Variants in LRRTM3 observed in about 807,000 individuals in gnomAD.
LRRTM3 encodes leucine rich repeat transmembrane neuronal 3.
Under a neutral mutation model 44.7 loss-of-function variants are expected in LRRTM3, and 24 were observed. The observed-to-expected ratio is 0.54, with a 90% CI of 0.39 to 0.76. The LOEUF is 0.76. LRRTM3 is among the 30% of genes least tolerant of loss of function. The probability of loss-of-function intolerance (pLI) is 0.00; values close to 1 mark genes in which losing one functional copy is unlikely to be tolerated. For synonymous variants in LRRTM3, 277 were observed against 278.7 expected (o/e 0.99, Z 0.06); for missense variants, 587 against 702.2 (o/e 0.84, Z 1.85).
At chr10:67,089,686 C>T (rs1857510601) in intron 2 of LRRTM3, among the ~76,000 whole-genome samples, 1 of 149,098 alleles carries the variant, frequency 6.7e-6, no homozygotes, top group Admixed American at 6.7e-5. Context: ...GTCGAATCAG[C>T]CAATCAGAGT....
intron 2 of LRRTM3, among the ~76,000 whole-genome samples, chr10:66,965,757 C>T (rs1047450871): frequency 2.0e-5 from 3 of 151,986 alleles, no homozygotes; most frequent in African/African-American, 7.2e-5. Flanking sequence ...CAGTCAAAGG[C>T]CGCATATGTT....
chr10:66,960,857 T>C (rs367888661), intron 2 of LRRTM3, among the ~76,000 whole-genome samples: 2 of 152,084 alleles, frequency 1.3e-5, no homozygotes, highest in African/African-American at 2.4e-5. Context: ...TGATAAAGCA[T>C]AGGAGAAGGA....
chr10:67,058,074 A>C (rs562856083), intron 2 of LRRTM3, among the ~76,000 whole-genome samples: 2 of 152,280 alleles, frequency 1.3e-5, no homozygotes, highest in East Asian at 3.9e-4. Flanking sequence ...TCTTTCAACT[A>C]ATCTTTTCTT....
At chr10:67,085,672 C>A (rs1271186158) in intron 2 of LRRTM3, among the ~76,000 whole-genome samples, 2 of 151,952 alleles carry the variant, frequency 1.3e-5, no homozygotes, top group African/African-American at 4.8e-5. Context: ...CATATTAGCT[C>A]ATCCCTTATT....
At chr10:66,995,538 C>T (rs1002646441) in intron 2 of LRRTM3, among the ~76,000 whole-genome samples, 4 of 152,174 alleles carry the variant, frequency 2.6e-5, no homozygotes, top group African/African-American at 4.8e-5. Flanking sequence ...CTGTTTAATA[C>T]CTTTCAAAGG....
chr10:67,082,358 C>T (rs1857097268), intron 2 of LRRTM3, among the ~76,000 whole-genome samples: 1 of 152,096 alleles, frequency 6.6e-6, no homozygotes, highest in African/African-American at 2.4e-5. Context: ...TTTCATGGCA[C>T]AAATTGCGAT....
intron 2 of LRRTM3, among the ~76,000 whole-genome samples, chr10:66,990,930 A>G (rs1851004832): frequency 6.6e-6 from 1 of 152,236 alleles, no homozygotes; most frequent in Non-Finnish European, 1.5e-5. Flanking sequence ...AGGCAAACAA[A>G]GCATCATTAT....
chr10:66,940,094 G>A lies in LRRTM3; in HGVS notation c.1536+11642G>A, dbSNP rs183529771. Among the ~76,000 whole-genome samples, 234 of 152,154 alleles carry A rather than the reference G, an allele frequency of 1.5e-3. 4 individuals are homozygous for A. The South Asian group carries it at 0.024, about 16-fold the overall frequency. On this transcript the variant is annotated intron_variant, in intron 2 of 2. Transcript: ENST00000361320. ...GTGTTTGTTTTTGCTTTCAGTACTG[G>A]AATCTGCTTGGTCCAACTTAGGTAG...
At chr10:66,951,092 CACA>C (rs1848514188) in intron 2 of LRRTM3, among the ~76,000 whole-genome samples, 1 of 68,142 alleles carries the variant, frequency 1.5e-5, no homozygotes, top group African/African-American at 7.4e-5. Context: ...ATTAAATACA[CACA>C]CACACACACA....
intron 2 of LRRTM3, among the ~76,000 whole-genome samples, chr10:67,095,248 T>C (rs1329387828): frequency 6.6e-6 from 1 of 151,668 alleles, no homozygotes; most frequent in Non-Finnish European, 1.5e-5. Flanking sequence ...TAGAATCAAC[T>C]TTAAAATGCA....
intron 2 of LRRTM3, among the ~76,000 whole-genome samples, chr10:67,082,652 T>C (rs577287481): frequency 6.6e-6 from 1 of 152,282 alleles, no homozygotes; most frequent in South Asian, 2.1e-4. Context: ...GTGCAGGAAT[T>C]AGATAGGAAT....
chr10:66,929,552 A>G (rs1847254900), intron 2 of LRRTM3, among the ~76,000 whole-genome samples: 1 of 152,166 alleles, frequency 6.6e-6, no homozygotes, highest in South Asian at 2.1e-4. Flanking sequence ...CGTGCCTTCC[A>G]CCCACAGCCT....
chr10:67,097,760 T>A lies in LRRTM3; in HGVS notation c.1710T>A (p.Ala570=), dbSNP rs1423145970. The change falls in exon 3 of 3, where the codon GCT becomes GCA. Residue 570 remains alanine (A), a synonymous_variant. Transcript: ENST00000361320. The part of the protein sequence containing the change: ...TELDLSTITT[A]GRISDHKQQL... ...TGGACCTGAGCACAATCACAACAGC[T>A]GGCCGAATCAGTGACCATAAACAGC... 2 of 1,612,428 alleles carry A rather than the reference T, an allele frequency of 1.2e-6. No individual in the cohort carries two copies. The highest frequency in any genetic ancestry group is 8.5e-7 in the Non-Finnish European group (1 of 1,178,954).
chr10:67,091,174 T>A (rs1227269081), intron 2 of LRRTM3, among the ~76,000 whole-genome samples: 1 of 151,800 alleles, frequency 6.6e-6, no homozygotes, highest in Non-Finnish European at 1.5e-5. Context: ...AAATTGCGCA[T>A]ACCTTAGCAA....
chr10:66,968,574 G>A (rs1248145213), intron 2 of LRRTM3, among the ~76,000 whole-genome samples: 2 of 151,954 alleles, frequency 1.3e-5, no homozygotes, highest in Non-Finnish European at 2.9e-5. Context: ...AAACAAAAAG[G>A]TTGTCTCCTC....
At position 66,941,146 on chromosome 10, in the gene LRRTM3, A is replaced by G. The variant is rs533987956; in HGVS notation, c.1536+12694A>G. 6.8e-4 allele frequency among the ~76,000 whole-genome samples: 104 copies of G among 152,332 alleles called. 1 individual carries two copies. The highest frequency in any genetic ancestry group is 2.4e-3 in the African/African-American group (99 of 41,592). On this transcript the variant is annotated intron_variant, in intron 2 of 2. Coordinates refer to ENST00000361320, the MANE Select transcript of LRRTM3 (RefSeq NM_178011.5). ...ACAGCTACACCACAGTAGAGAGACA[A>G]TATTTCCTCAGCTGAGTCGGTTAAT...
At chr10:67,040,080 T>C (rs920334888) in intron 2 of LRRTM3, among the ~76,000 whole-genome samples, 2 of 152,102 alleles carry the variant, frequency 1.3e-5, no homozygotes, top group Admixed American at 1.3e-4. Flanking sequence ...GGTAGTGTAA[T>C]GAGTACAGCA....
intron 2 of LRRTM3, among the ~76,000 whole-genome samples, chr10:67,008,682 C>G (rs1469397470): frequency 6.6e-6 from 1 of 152,088 alleles, no homozygotes; most frequent in African/African-American, 2.4e-5. Flanking sequence ...TTTAGAAGCC[C>G]CAGCTAGGAT....
intron 2 of LRRTM3, among the ~76,000 whole-genome samples, chr10:66,950,718 G>A (rs990317252): frequency 9.2e-5 from 14 of 152,092 alleles, no homozygotes; most frequent in African/African-American, 2.9e-4. Context: ...AGCAACCTTT[G>A]TAGCTACATG....
Sources: allele counts gnomAD v4.1 joint callset (sites outside exome capture counted in the v4.1 genomes callset), GRCh38; gene constraint gnomAD v4.1.1; transcripts MANE v1.5; gene names NCBI Gene and HGNC (gene_info 2026-07-23, HGNC 2026-07-21).